Variants in EDNRB observed in about 807,000 individuals in gnomAD.
EDNRB encodes endothelin receptor type B, also known as Hirschsprung disease 2.
In EDNRB, 18 loss-of-function variants were observed where a neutral mutation model predicts 46.4. The observed-to-expected ratio is 0.39, with a 90% CI of 0.27 to 0.57. EDNRB has a LOEUF of 0.57. EDNRB is among the 20% of genes least tolerant of loss of function. The probability of loss-of-function intolerance (pLI) is 0.61; values close to 1 mark genes in which losing one functional copy is unlikely to be tolerated. For synonymous variants in EDNRB, 213 were observed against 204.9 expected (o/e 1.04, Z -0.34); for missense variants, 434 against 537.5 (o/e 0.81, Z 1.90).
At chr13:77,915,390 C>G (rs938058264) in intron 1 of EDNRB, among the ~76,000 whole-genome samples, 1 of 152,162 alleles carries the variant, frequency 6.6e-6, no homozygotes, top group African/African-American at 2.4e-5. Context: ...CCACCAAATG[C>G]TCCCAAATGA....
intron 1 of EDNRB, among the ~76,000 whole-genome samples, chr13:77,942,125 C>A (rs964999479): frequency 3.3e-5 from 5 of 152,174 alleles, no homozygotes; most frequent in African/African-American, 9.7e-5. Flanking sequence ...TTTGTGCCTT[C>A]CCTCTGCTGT....
intron 1 of EDNRB, among the ~76,000 whole-genome samples, chr13:77,969,557 T>A (rs1881671459): frequency 6.6e-6 from 1 of 152,218 alleles, no homozygotes; most frequent in African/African-American, 2.4e-5. Flanking sequence ...TTATGCATTG[T>A]GCTTCATTAT....
At position 77,896,219 on chromosome 13, in the gene EDNRB, A is replaced by C; in HGVS notation, c.*1981T>G. On this transcript the variant is annotated 3_prime_UTR_variant, in exon 7 of 7. Transcript: ENST00000646607. ...ATACTGACATGGAGAAGGAAAAGGTATCAGGATGTAAAAATTCAGTACATG... is the reference window on the plus strand; with the variant it reads ...ATACTGACATGGAGAAGGAAAAGGTCTCAGGATGTAAAAATTCAGTACATG... The C allele has an allele frequency of 7.8e-6, 2 of 256,572 alleles. No individual in the cohort carries two copies. The highest frequency in any genetic ancestry group is 1.4e-5 in the Non-Finnish European group (2 of 147,962). The allele number at this position is 256,572 out of a possible 1,614,324, so 15.9% of individuals were successfully genotyped here. A position where few individuals can be genotyped will look rare whatever the true frequency, so the allele number is the denominator to read the frequency against.
chr13:77,951,386 A>G (rs534762752), intron 1 of EDNRB, among the ~76,000 whole-genome samples: 29 of 152,296 alleles, frequency 1.9e-4, no homozygotes, highest in African/African-American at 6.5e-4. Flanking sequence ...AAACATAACC[A>G]CATCTATCTA....
In EDNRB at chr13:77,973,498, G is replaced by A. The variant is rs150236361; in HGVS notation, c.-52+1849C>T. On this transcript the variant is annotated intron_variant, in intron 1 of 7. Coordinates refer to the EDNRB transcript ENST00000646948. ...TGTCCAGTTTACAGAAAAACTGGAT[G>A]ATACCTCTTTAACTTTAGCCGATGT... Among the ~76,000 whole-genome samples, 1,372 of 152,036 alleles carry A rather than the reference G, an allele frequency of 9.0e-3. 29 individuals carry two copies. Among genetic ancestry groups the A allele is most frequent in the African/African-American group, 0.031 (1,266 of 41,508 alleles).
Position 77,930,410 on chromosome 13 carries a change from A to T in EDNRB, c.-51-11786T>A, listed in dbSNP as rs184046812. Among the ~76,000 whole-genome samples, 366 of 152,364 alleles carry T rather than the reference A, an allele frequency of 2.4e-3. 2 individuals are homozygous for T. The highest frequency in any genetic ancestry group is 4.4e-3 in the Non-Finnish European group (300 of 68,028). On this transcript the variant is annotated intron_variant, in intron 1 of 7. Coordinates refer to the EDNRB transcript ENST00000646948. ...GCTACTTTCAGAGAGGGTTATATGGATAAGTGGTCTGTGATAGTATCAGTT... is the reference window on the plus strand; with the variant it reads ...GCTACTTTCAGAGAGGGTTATATGGTTAAGTGGTCTGTGATAGTATCAGTT...
intron 1 of EDNRB, among the ~76,000 whole-genome samples, chr13:77,961,441 C>T (rs946602413): frequency 2.0e-5 from 3 of 152,168 alleles, no homozygotes; most frequent in African/African-American, 7.2e-5. Context: ...TCTCAGACTA[C>T]AGTGCAATCA....
intron 1 of EDNRB, among the ~76,000 whole-genome samples, chr13:77,907,057 AT>A: frequency 6.6e-6 from 1 of 152,150 alleles, no homozygotes; most frequent in East Asian, 1.9e-4. Flanking sequence ...GTGTCAAATA[AT>A]AGTAAAATAT....
chr13:77,974,708 A>G (rs926748427), intron 1 of EDNRB, among the ~76,000 whole-genome samples: 5 of 152,172 alleles, frequency 3.3e-5, no homozygotes, highest in Admixed American at 6.5e-5. Context: ...GTAACCAAGC[A>G]TCTATGTACG....
chr13:77,903,544 C>T lies in EDNRB; in HGVS notation c.547G>A (p.Ala183Thr). 1 of 1,612,890 alleles carries T rather than the reference C, an allele frequency of 6.2e-7. No homozygotes were observed. The highest frequency in any genetic ancestry group is 8.5e-7 in the Non-Finnish European group (1 of 1,179,266). ...CTCAGCACAGTGATTCCCACAGAGG[C>T]TTTCTGTATGAAAGGCACCAGCTTA... ...MCKLVPFIQK[A>T]SVGITVLSLC... Residue 183 changes from alanine to threonine, a missense_variant, in exon 2 of 7, where the codon GCC becomes ACC. Physicochemically the swap from Ala to Thr is moderately conservative, Grantham distance 58. Transcript: ENST00000646607.
chr13:77,909,990 A>T (rs180702620), intron 1 of EDNRB, among the ~76,000 whole-genome samples: 2 of 151,904 alleles, frequency 1.3e-5, no homozygotes, highest in African/African-American at 4.8e-5. Flanking sequence ...TAACGACAAA[A>T]ATTCCTCTCC....
Position 77,903,565 on chromosome 13 carries a change from G to T in EDNRB, c.526C>A (p.Leu176Met). The change falls in exon 2 of 7, where the codon CTG becomes ATG. Residue 176 changes from leucine (L) to methionine (M), a missense_variant. Physicochemically the swap from Leu to Met is conservative, Grantham distance 15. Coordinates refer to ENST00000646607, the MANE Select transcript of EDNRB (RefSeq NM_001122659.3). ...GAGGCTTTCTGTATGAAAGGCACCA[G>T]CTTACACATCTCAGCTCCAAATGGC... The part of the protein sequence containing the change: ...DWPFGAEMCK[L>M]VPFIQKASVG... 1 of 1,612,868 alleles carries T rather than the reference G, an allele frequency of 6.2e-7. No homozygotes were observed. Among genetic ancestry groups the T allele is most frequent in the South Asian group, 1.1e-5 (1 of 91,072 alleles).
chr13:77,904,300 C>T (rs574785964), intron 1 of EDNRB, among the ~76,000 whole-genome samples: 1 of 152,084 alleles, frequency 6.6e-6, no homozygotes, highest in East Asian at 1.9e-4. Flanking sequence ...CTATTAGATA[C>T]CGTAACCGGT....
chr13:77,949,219 T>C (rs561220451), intron 1 of EDNRB, among the ~76,000 whole-genome samples: 12 of 152,292 alleles, frequency 7.9e-5, no homozygotes, highest in South Asian at 4.1e-4. Context: ...GGAATTTAGG[T>C]GACAGATTCC....
intron 1 of EDNRB, among the ~76,000 whole-genome samples, chr13:77,910,262 G>C (rs957322756): frequency 6.6e-6 from 1 of 151,940 alleles, no homozygotes; most frequent in Non-Finnish European, 1.5e-5. Context: ...AGTTGTGAAC[G>C]TTTCTTTAAA....
chr13:77,896,481 G>A lies in EDNRB; in HGVS notation c.*1719C>T. The A allele has an allele frequency of 6.3e-7, 1 of 1,580,416 alleles. No homozygotes were observed. On this transcript the variant is annotated 3_prime_UTR_variant, in exon 7 of 7. Transcript: ENST00000646607. Reference sequence around the variant, plus strand: ...TCTTTCTTTCTGGCCACATTGTTGGGTTTTGGTTTACTGTACCATCACATT... The same window carrying A: ...TCTTTCTTTCTGGCCACATTGTTGGATTTTGGTTTACTGTACCATCACATT...
Position 77,896,885 on chromosome 13 carries a change from T to G in EDNRB, c.*1315A>C. The G allele has an allele frequency of 2.0e-6, 2 of 1,012,678 alleles. No homozygotes were observed. Among genetic ancestry groups the G allele is most frequent in the Non-Finnish European group, 2.4e-6 (2 of 848,254 alleles). The allele number at this position is 1,012,678 out of a possible 1,614,324, so 62.7% of individuals were successfully genotyped here. A position where few individuals can be genotyped will look rare whatever the true frequency, so the allele number is the denominator to read the frequency against. On this transcript the variant is annotated 3_prime_UTR_variant, in exon 7 of 7. Coordinates refer to ENST00000646607, the MANE Select transcript of EDNRB (RefSeq NM_001122659.3). ...AAAATTAGGCAGGAACGCACAAAGCTAAGAGGTTCTTACGGTCTCAAAAAG... is the reference window on the plus strand; with the variant it reads ...AAAATTAGGCAGGAACGCACAAAGCGAAGAGGTTCTTACGGTCTCAAAAAG...
intron 1 of EDNRB, among the ~76,000 whole-genome samples, chr13:77,965,701 G>C (rs2137689964): frequency 6.6e-6 from 1 of 152,172 alleles, no homozygotes; most frequent in South Asian, 2.1e-4. Context: ...TCAGATTATT[G>C]ATTCCATGTG....
chr13:77,931,326 A>C (rs1008198500), intron 1 of EDNRB, among the ~76,000 whole-genome samples: 6 of 152,184 alleles, frequency 3.9e-5, no homozygotes, highest in South Asian at 2.1e-4. Flanking sequence ...ATAAGAAGTC[A>C]AGTATTTTTT....
Sources: allele counts gnomAD v4.1 joint callset (sites outside exome capture counted in the v4.1 genomes callset), GRCh38; gene constraint gnomAD v4.1.1; transcripts MANE v1.5; gene names NCBI Gene and HGNC (gene_info 2026-07-23, HGNC 2026-07-21).